Variants in TUBGCP5 observed in about 807,000 individuals in gnomAD.
The protein encoded by TUBGCP5 is tubulin gamma complex component 5.
A neutral mutation model predicts 134.7 loss-of-function variants in TUBGCP5; 98 were observed. That is an observed-to-expected ratio of 0.73 (90% confidence interval 0.62 to 0.86). The LOEUF is 0.86. Among genes scored for constraint, TUBGCP5 ranks in the 40% least tolerant of loss-of-function variants. The probability of loss-of-function intolerance (pLI) is 0.00; values close to 1 mark genes in which losing one functional copy is unlikely to be tolerated. For synonymous variants in TUBGCP5, 456 were observed against 431.4 expected (o/e 1.06, Z -0.71); for missense variants, 1,150 against 1,244.8 (o/e 0.92, Z 1.15).
At position 22,999,482 on chromosome 15, in the gene TUBGCP5, C is replaced by T. The variant is rs2064245537; in HGVS notation, c.*338G>A. On this transcript the variant is annotated 3_prime_UTR_variant, in exon 23 of 23. Coordinates refer to ENST00000615383, the MANE Select transcript of TUBGCP5 (RefSeq NM_052903.6). ...GTAGTGCAATCATGGCTCACTGTAGCCTTGACCTCCTGGGCTCAAGTAATC... is the reference window on the plus strand; with the variant it reads ...GTAGTGCAATCATGGCTCACTGTAGTCTTGACCTCCTGGGCTCAAGTAATC... The T allele has an allele frequency of 3.3e-6, 1 of 305,568 alleles. No individual in the cohort carries two copies. Among genetic ancestry groups the T allele is most frequent in the Admixed American group, 4.2e-5 (1 of 23,776 alleles). The allele number at this position is 305,568 out of a possible 1,614,324, so 18.9% of individuals were successfully genotyped here.
At chr15:22,989,421 A>T (rs900847248) in intron 23 of TUBGCP5, among the ~76,000 whole-genome samples, 1 of 152,164 alleles carries the variant, frequency 6.6e-6, no homozygotes, top group African/African-American at 2.4e-5. Context: ...TTGATAGAAC[A>T]GCTGGGACAG....
At chr15:22,986,799 G>A (rs991088465) in intron 23 of TUBGCP5, among the ~76,000 whole-genome samples, 20 of 151,938 alleles carry the variant, frequency 1.3e-4, no homozygotes, top group African/African-American at 4.6e-4. Context: ...TGGGTGAGGT[G>A]GTCTGCAGGG....
chr15:22,988,483 C>T (rs571758607), intron 23 of TUBGCP5, among the ~76,000 whole-genome samples: 8 of 151,592 alleles, frequency 5.3e-5, no homozygotes, highest in Non-Finnish European at 1.2e-4. Flanking sequence ...CCTGTAATCC[C>T]AGCACTTTGG....
At chr15:23,008,610 G>A (rs1345123716) in intron 16 of TUBGCP5, 89 bp downstream of exon 16, 1 of 1,421,104 alleles carries the variant, frequency 7.0e-7, no homozygotes. Flanking sequence ...GAATAGTGAG[G>A]ATAAAATAAT....
Position 23,010,021 on chromosome 15 carries a change from A to G in TUBGCP5, c.2068T>C (p.Cys690Arg), listed in dbSNP as rs2064944213. The G allele has an allele frequency of 8.1e-6, 13 of 1,614,180 alleles. No individual in the cohort carries two copies. Among genetic ancestry groups the G allele is most frequent in the Non-Finnish European group, 1.1e-5 (13 of 1,180,030 alleles). The change falls in exon 15 of 23, where the codon TGC (cysteine) becomes CGC (arginine). Residue 690 changes from cysteine (C) to arginine (R), a missense_variant. Around this residue, in one of 2 missense-constraint regions of TUBGCP5, gnomAD observed 697 missense variants for 850.1 expected, o/e 0.82. Coordinates refer to ENST00000615383, the MANE Select transcript of TUBGCP5 (RefSeq NM_052903.6). ...TGCTTGTCAATATGAGGATAGAGGCAGGATCTCAGCGTTAATTCAAAAGTC... is the reference window on the plus strand; with the variant it reads ...TGCTTGTCAATATGAGGATAGAGGCGGGATCTCAGCGTTAATTCAAAAGTC... ...CQTFELTLRSCLYPHIDKQYL... is the reference protein window; with the variant it reads ...CQTFELTLRSRLYPHIDKQYL...
At chr15:23,000,490 A>T (rs1279658135) in intron 22 of TUBGCP5, 79 bp downstream of exon 22, 2 of 1,560,122 alleles carry the variant, frequency 1.3e-6, no homozygotes, top group South Asian at 2.4e-5. Context: ...TCTTCATGGG[A>T]TCAGTAACAA....
chr15:23,024,886 A>G (rs2065902121), intron 8 of TUBGCP5, 56 bp from the exon 9 acceptor site: 2 of 1,079,898 alleles, frequency 1.9e-6, no homozygotes, highest in Admixed American at 2.1e-5. Context: ...AATATTCATG[A>G]CAGTATGCCC....
chr15:23,004,691 C>G (rs1325142998), intron 19 of TUBGCP5: 1 of 153,754 alleles, frequency 6.5e-6, no homozygotes, highest in African/African-American at 2.4e-5. Context: ...AACTTAAACT[C>G]TTATCATTTA....
At position 23,011,312 on chromosome 15, in the gene TUBGCP5, T is replaced by C. The variant is rs1479336943; in HGVS notation, c.1776A>G (p.Leu592=). 14 of 1,611,362 alleles carry C rather than the reference T, an allele frequency of 8.7e-6. No homozygotes were observed. Among genetic ancestry groups the C allele is most frequent in the Non-Finnish European group, 1.2e-5 (14 of 1,178,610 alleles). Reference sequence around the variant, plus strand: ...GTACAGATTCCAGAAAGAGAGTGTATAAACTTTTTCTTTCTGCATCTGAAA... The same window carrying C: ...GTACAGATTCCAGAAAGAGAGTGTACAAACTTTTTCTTTCTGCATCTGAAA... The part of the protein sequence containing the change: ...AGARDAERKS[L]YTLFLESVQS... The change falls in exon 14 of 23, where the codon TTA becomes TTG. Residue 592 remains leucine, a synonymous_variant. Transcript: ENST00000615383.
At chr15:23,027,935 T>A (rs1022340888) in intron 6 of TUBGCP5, among the ~76,000 whole-genome samples, 1 of 152,042 alleles carries the variant, frequency 6.6e-6, no homozygotes, top group African/African-American at 2.4e-5. Flanking sequence ...TCCCAACCAC[T>A]ACGGAAGTCT....
chr15:23,034,866 C>T (rs1015670356), intron 3 of TUBGCP5, among the ~76,000 whole-genome samples: 1 of 147,340 alleles, frequency 6.8e-6, no homozygotes, highest in Admixed American at 6.7e-5. Flanking sequence ...ACATTGAAAA[C>T]AGGAACAATA....
intron 23 of TUBGCP5, among the ~76,000 whole-genome samples, chr15:22,985,240 T>C (rs1226392660): frequency 2.0e-5 from 3 of 152,082 alleles, no homozygotes; most frequent in Non-Finnish European, 2.9e-5. Flanking sequence ...TTTTTTGAGA[T>C]GGAGTTTCAC....
intron 23 of TUBGCP5, among the ~76,000 whole-genome samples, chr15:22,990,091 AG>A (rs1255498392): frequency 1.3e-5 from 2 of 152,196 alleles, no homozygotes; most frequent in South Asian, 2.1e-4. Context: ...GACTAATGAG[AG>A]GCACTCACAG....
At chr15:22,988,545 A>G (rs1007036056) in intron 23 of TUBGCP5, among the ~76,000 whole-genome samples, 5 of 151,470 alleles carry the variant, frequency 3.3e-5, no homozygotes, top group South Asian at 2.1e-4. Flanking sequence ...CATCCTGGCT[A>G]ACACAGTGAA....
At chr15:23,011,755 C>T (rs1278177434) in intron 13 of TUBGCP5, among the ~76,000 whole-genome samples, 2 of 148,808 alleles carry the variant, frequency 1.3e-5, no homozygotes, top group Non-Finnish European at 3.0e-5. Context: ...AAGTGATCCA[C>T]CCGCCTCAGC....
intron 9 of TUBGCP5, 74 bp from the exon 10 acceptor site, chr15:23,024,267 TA>T: frequency 3.9e-6 from 6 of 1,529,254 alleles, no homozygotes; most frequent in Non-Finnish European, 5.3e-6. Flanking sequence ...CCTCTCGCTG[TA>T]AAATACTTCT....
intron 23 of TUBGCP5, among the ~76,000 whole-genome samples, chr15:22,989,359 A>G (rs2063779267): frequency 6.6e-6 from 1 of 152,164 alleles, no homozygotes; most frequent in Non-Finnish European, 1.5e-5. Flanking sequence ...GTCAACTGAT[A>G]TGAAATTTAA....
intron 6 of TUBGCP5, among the ~76,000 whole-genome samples, chr15:23,028,832 G>A (rs1000985803): frequency 6.6e-6 from 1 of 152,066 alleles, no homozygotes; most frequent in African/African-American, 2.4e-5. Flanking sequence ...TCACAGAGAA[G>A]ATACAGGCAT....
intron 20 of TUBGCP5, among the ~76,000 whole-genome samples, chr15:23,003,614 T>C (rs1299979178): frequency 1.3e-5 from 2 of 148,722 alleles, no homozygotes; most frequent in East Asian, 2.0e-4. Context: ...TTTCTACGAA[T>C]AGGGCACTCC....
Sources: gnomAD v4.1 joint callset for allele counts (sites outside exome capture counted in the v4.1 genomes callset) on GRCh38, gnomAD v4.1.1 for gene constraint, gnomAD v4.1.1 regional missense constraint, MANE v1.5 for transcripts, NCBI Gene and HGNC (gene_info 2026-07-23, HGNC 2026-07-21) for gene names.